The following SIL1 variants were observed in gnomAD, a reference collection of about 807,000 sequenced individuals.
SIL1 encodes SIL1 nucleotide exchange factor.
Under a neutral mutation model 49.1 loss-of-function variants are expected in SIL1, and 40 were observed. The observed-to-expected ratio is 0.81, with a 90% confidence interval of 0.63 to 1.06. The LOEUF is 1.06. Among genes scored for constraint, SIL1 ranks in the 50% least tolerant of loss-of-function variants. The pLI is 0.00. For synonymous variants in SIL1, 253 were observed against 250.8 expected (o/e 1.01, Z -0.08); for missense variants, 500 against 572.6 (o/e 0.87, Z 1.29).
intron 5 of SIL1, among the ~76,000 whole-genome samples, chr5:139,039,109 G>A (rs1474890978): frequency 1.3e-5 from 2 of 152,074 alleles, no homozygotes; most frequent in African/African-American, 4.8e-5. Flanking sequence ...GTATCCATTG[G>A]GCAGAGGATG....
At chr5:139,162,217 G>A (rs1251915868) in intron 1 of SIL1, among the ~76,000 whole-genome samples, 1 of 152,132 alleles carries the variant, frequency 6.6e-6, no homozygotes. Context: ...GTCTCACCCT[G>A]CCACCCACTC....
At chr5:139,129,751 C>A (rs904186396) in intron 1 of SIL1, among the ~76,000 whole-genome samples, 25 of 152,220 alleles carry the variant, frequency 1.6e-4, no homozygotes, top group African/African-American at 6.0e-4. Context: ...CAAAGACCTA[C>A]ATTTAAGAGC....
intron 1 of SIL1, among the ~76,000 whole-genome samples, chr5:139,140,649 A>AAT (rs1182195575): frequency 6.6e-6 from 1 of 152,136 alleles, no homozygotes; most frequent in Non-Finnish European, 1.5e-5. Flanking sequence ...CGGCTTTCAC[A>AAT]ATCCCACCGA....
At chr5:139,170,681 C>T (rs1237456658) in intron 1 of SIL1, among the ~76,000 whole-genome samples, 2 of 149,378 alleles carry the variant, frequency 1.3e-5, no homozygotes, top group South Asian at 2.1e-4. Flanking sequence ...GCAGCCACCC[C>T]GTCTGAGAAG....
intron 7 of SIL1, among the ~76,000 whole-genome samples, chr5:139,003,863 G>C (rs1018827101): frequency 6.6e-6 from 1 of 152,132 alleles, no homozygotes; most frequent in Non-Finnish European, 1.5e-5. Flanking sequence ...ACCTCAGCCC[G>C]TGAACAGGAC....
At chr5:139,190,109 G>A (rs200875790) in intron 1 of SIL1, among the ~76,000 whole-genome samples, 1 of 152,346 alleles carries the variant, frequency 6.6e-6, no homozygotes, top group Non-Finnish European at 1.5e-5. Context: ...CAACTAGTAA[G>A]TAGATATCAG....
chr5:139,154,092 T>C (rs1026920549), intron 1 of SIL1, among the ~76,000 whole-genome samples: 1 of 152,236 alleles, frequency 6.6e-6, no homozygotes, highest in Non-Finnish European at 1.5e-5. Context: ...AGCCAACTTG[T>C]CCAAACTAGT....
intron 3 of SIL1, among the ~76,000 whole-genome samples, chr5:139,120,021 C>T (rs1750591357): frequency 6.6e-6 from 1 of 152,260 alleles, no homozygotes; most frequent in South Asian, 2.1e-4. Context: ...TGCTTCATCA[C>T]TCTTCTGTGG....
At chr5:139,193,352 C>A (rs1752209922) in intron 1 of SIL1, among the ~76,000 whole-genome samples, 1 of 152,110 alleles carries the variant, frequency 6.6e-6, no homozygotes, top group Non-Finnish European at 1.5e-5. Context: ...TCACTTAAGG[C>A]CAGGAGTTCA....
chr5:139,056,395 C>T (rs1267224387), intron 3 of SIL1, among the ~76,000 whole-genome samples: 4 of 151,174 alleles, frequency 2.6e-5, no homozygotes, highest in Non-Finnish European at 5.9e-5. Context: ...CTCTGCCCCA[C>T]AACCACCCCG....
intron 3 of SIL1, among the ~76,000 whole-genome samples, chr5:139,112,017 G>A (rs1401859028): frequency 1.3e-5 from 2 of 152,224 alleles, no homozygotes; most frequent in Admixed American, 6.5e-5. Context: ...ACTGGTTTTC[G>A]TATTTTTTTG....
At chr5:138,964,275 G>A (rs1767087056) in intron 7 of SIL1, among the ~76,000 whole-genome samples, 1 of 152,164 alleles carries the variant, frequency 6.6e-6, no homozygotes, top group Non-Finnish European at 1.5e-5. Flanking sequence ...CAGGGCTAGA[G>A]CAAAGAACGA....
intron 7 of SIL1, among the ~76,000 whole-genome samples, chr5:138,968,192 G>C (rs114896013): frequency 2.0e-5 from 3 of 152,034 alleles, no homozygotes; most frequent in Non-Finnish European, 2.9e-5. Context: ...AGGTACCTTG[G>C]GGGGATGAGG....
At chr5:139,112,801 C>CCAA (rs1770897335) in intron 3 of SIL1, among the ~76,000 whole-genome samples, 2 of 152,162 alleles carry the variant, frequency 1.3e-5, no homozygotes, top group Non-Finnish European at 2.9e-5. Context: ...GGAGGTGCAC[C>CCAA]CAACAGCTCA....
At position 138,947,592 on chromosome 5, in the gene SIL1, CCT is replaced by C; in HGVS notation, c.1030-121_1030-120del. ...CAGACAGGAAGGCACGAGGCTGACCCCTGAGGGCCCACCTCTTCCTCTATCCC... is the reference window on the plus strand; with the variant it reads ...CAGACAGGAAGGCACGAGGCTGACCCGAGGGCCCACCTCTTCCTCTATCCC... On this transcript the variant is annotated intron_variant, in intron 9 of 9. Coordinates refer to ENST00000394817, the MANE Select transcript of SIL1 (RefSeq NM_022464.5). The surrounding 1 kb of genome is among the most constrained non-coding windows in gnomAD (Gnocchi z 4.1). 1 of 802,732 alleles carries C rather than the reference CCT, an allele frequency of 1.2e-6. No homozygotes were observed. Among genetic ancestry groups the C allele is most frequent in the Non-Finnish European group, 2.2e-6 (1 of 462,166 alleles). 49.7% of individuals were successfully genotyped at this position (802,732 alleles called of 1,614,324 possible).
intron 3 of SIL1, among the ~76,000 whole-genome samples, chr5:139,062,487 G>T (rs1769613844): frequency 6.6e-6 from 1 of 152,032 alleles, no homozygotes; most frequent in African/African-American, 2.4e-5. Context: ...AAAGACGCCA[G>T]TTTCCCCCAG....
At chr5:138,962,656 C>A (rs541894083) in intron 7 of SIL1, among the ~76,000 whole-genome samples, 49 of 152,132 alleles carry the variant, frequency 3.2e-4, no homozygotes, top group Non-Finnish European at 6.0e-4. Context: ...AGACAGAATG[C>A]CAGGGTTTTC....
intron 7 of SIL1, among the ~76,000 whole-genome samples, chr5:138,978,952 A>G (rs1330294752): frequency 6.6e-6 from 1 of 152,190 alleles, no homozygotes; most frequent in Admixed American, 6.5e-5. Context: ...ATTCTAGATA[A>G]AAAGTCCCTT....
intron 3 of SIL1, among the ~76,000 whole-genome samples, chr5:139,061,574 T>G (rs562099906): frequency 6.6e-6 from 1 of 152,368 alleles, no homozygotes; most frequent in Admixed American, 6.5e-5. Context: ...TTCATGCCCT[T>G]ATGTGTCAAC....
Sources: allele counts gnomAD v4.1 joint callset (sites outside exome capture counted in the v4.1 genomes callset), GRCh38; gene constraint gnomAD v4.1.1; non-coding constraint Gnocchi (gnomAD v3.1); transcripts MANE v1.5; gene names NCBI Gene and HGNC (gene_info 2026-07-23, HGNC 2026-07-21).